Variants in PSD4 observed in about 807,000 individuals in gnomAD.
PSD4 encodes PH and SEC7 domain-containing protein 4.
A neutral mutation model predicts 112.5 loss-of-function variants in PSD4; 59 were observed. The ratio of observed to expected loss-of-function variants is 0.52; its 90% CI spans 0.43 to 0.65. The LOEUF (loss-of-function observed/expected upper bound fraction) is 0.65. Ranked by LOEUF, PSD4 falls within the 30% of genes least tolerant of loss-of-function variation. PSD4 has a pLI of 0.00. For missense variants in PSD4, 1,267 were observed against 1,352.6 expected, an observed-to-expected ratio of 0.94 and a Z score of 0.99; for synonymous variants, 533 against 540.0, an observed-to-expected ratio of 0.99 and a Z score of 0.18.
chr2:113,201,472 C>G lies in PSD4; in HGVS notation c.*57C>G. On this transcript the variant is annotated 3_prime_UTR_variant, in exon 17 of 17. Coordinates refer to ENST00000245796, the MANE Select transcript of PSD4 (RefSeq NM_012455.3). ...GCTCCAGGGTAGACCTGAGATGAACCTCCCTGGAGGAGACTTATTTCAATG... is the reference window on the plus strand; with the variant it reads ...GCTCCAGGGTAGACCTGAGATGAACGTCCCTGGAGGAGACTTATTTCAATG... 6.3e-7 allele frequency: 1 copy of G among 1,592,158 alleles called. No individual in the cohort carries two copies. The highest frequency in any genetic ancestry group is 8.6e-7 in the Non-Finnish European group (1 of 1,169,302).
At chr2:113,199,014 C>CGCGCCCGGGCCCGGAAAGCGGCGGAGGGG (rs1688697968) in intron 15 of PSD4, 69 bp from the exon 16 acceptor site, 1 of 1,508,344 alleles carries the variant, frequency 6.6e-7, no homozygotes, top group Admixed American at 2.1e-5. Flanking sequence ...AGGGGGGCGG[C>CGCGCCCGGGCCCGGAAAGCGGCGGAGGGG]GCGCCCGGGC....
chr2:113,189,308 A>C (rs1317321751), intron 5 of PSD4, among the ~76,000 whole-genome samples: 3 of 150,464 alleles, frequency 2.0e-5, no homozygotes, highest in Non-Finnish European at 4.4e-5. Context: ...ATGCATATTC[A>C]ATCATATATG....
At chr2:113,182,324 C>T (rs1688159040) in intron 1 of PSD4, 22 bp from the exon 2 acceptor site, 1 of 860,548 alleles carries the variant, frequency 1.2e-6, no homozygotes, top group African/African-American at 1.7e-5. Context: ...CCCTAACCTG[C>T]ACTTGCTTTG....
rs1475812549 is a variant in PSD4, at chr2:113,203,281, T to C, written c.*1866T>C. On this transcript the variant is annotated 3_prime_UTR_variant, in exon 17 of 17. Transcript: ENST00000245796. Reference sequence around the variant, plus strand: ...TGCTCTCAGTTTACAGAGGCACTTTTATCTTGCTGGGGAAGTGTGCTGAAA... The same window carrying C: ...TGCTCTCAGTTTACAGAGGCACTTTCATCTTGCTGGGGAAGTGTGCTGAAA... 6.6e-6 allele frequency: 1 copy of C among 152,230 alleles called. No homozygotes were observed. Among genetic ancestry groups the C allele is most frequent in the African/African-American group, 2.4e-5 (1 of 41,462 alleles). 9.4% of individuals were successfully genotyped at this position (152,230 alleles called of 1,614,324 possible). A position where few individuals can be genotyped will look rare whatever the true frequency, so the allele number is the denominator to read the frequency against.
At chr2:113,179,228 G>A (rs1381764412) in intron 1 of PSD4, among the ~76,000 whole-genome samples, 1 of 152,170 alleles carries the variant, frequency 6.6e-6, no homozygotes, top group Non-Finnish European at 1.5e-5. Flanking sequence ...ACCGTCTCAG[G>A]CCTCTTGCCC....
intron 1 of PSD4, among the ~76,000 whole-genome samples, chr2:113,175,670 G>T (rs17624213): frequency 0.19 from 28,996 of 152,156 alleles, 3,539 homozygotes; most frequent in Middle Eastern, 0.3. Flanking sequence ...GGGAGCGTTT[G>T]CTTGCTGAGT....
chr2:113,178,358 G>A (rs1688032920), intron 1 of PSD4, among the ~76,000 whole-genome samples: 2 of 151,944 alleles, frequency 1.3e-5, no homozygotes, highest in Admixed American at 1.3e-4. Context: ...GGCTCCTCAG[G>A]TGCTGCAGGC....
intron 1 of PSD4, among the ~76,000 whole-genome samples, chr2:113,176,885 C>A (rs529925369): frequency 6.6e-6 from 1 of 152,160 alleles, no homozygotes; most frequent in Non-Finnish European, 1.5e-5. Context: ...GAGATCAGAC[C>A]GCCCTCACCT....
Position 113,201,577 on chromosome 2 carries a change from T to C in PSD4, c.*162T>C, listed in dbSNP as rs1688780453. The C allele has an allele frequency of 9.8e-7, 1 of 1,021,510 alleles. No individual in the cohort carries two copies. Among genetic ancestry groups the C allele is most frequent in the Non-Finnish European group, 1.4e-6 (1 of 714,294 alleles). The allele number at this position is 1,021,510 out of a possible 1,614,324, so 63.3% of individuals were successfully genotyped here. On this transcript the variant is annotated 3_prime_UTR_variant, in exon 17 of 17. Coordinates refer to ENST00000245796, the MANE Select transcript of PSD4 (RefSeq NM_012455.3). ...TTCCCTGTGGCCCTCATTCTTGTGC[T>C]CCCTGAAGCTTTCCTAATATTGCTG...
Position 113,193,731 on chromosome 2 carries a change from CG to C in PSD4, c.2091+84del, listed in dbSNP as rs989399353. 3.8e-6 allele frequency: 6 copies of C among 1,562,460 alleles called. No individual in the cohort carries two copies. The East Asian group carries it at 1.3e-4, about 35-fold the overall frequency. ...GAGGAGAAGACCAGAGGCCTGAGACCGGGCAGGGAACACCCCTGAGGGATGT... is the reference window on the plus strand; with the variant it reads ...GAGGAGAAGACCAGAGGCCTGAGACCGGCAGGGAACACCCCTGAGGGATGT... On this transcript the variant is annotated intron_variant, in intron 9 of 16. Transcript: ENST00000245796.
intron 5 of PSD4, 62 bp downstream of exon 5, chr2:113,186,317 G>C (rs1377074291): frequency 6.8e-7 from 1 of 1,481,204 alleles, no homozygotes; most frequent in Non-Finnish European, 9.0e-7. Flanking sequence ...GAATATTCTA[G>C]TCTGGATGGA....
Position 113,193,127 on chromosome 2 carries a change from C to G in PSD4, c.1918C>G (p.Arg640Gly). Reference protein sequence around the residue: ...FGGQSLDRALRSFLQALVLSG... With the variant: ...FGGQSLDRALGSFLQALVLSG... Reference sequence around the variant, plus strand: ...AGGCCAGAGTCTGGACCGAGCCCTCCGGTAATGTCTTTGGGCCCTCTCTGG... The same window carrying G: ...AGGCCAGAGTCTGGACCGAGCCCTCGGGTAATGTCTTTGGGCCCTCTCTGG... Residue 640 changes from arginine (R) to glycine (G), a missense_variant and splice_region_variant, in exon 7 of 17, where the codon CGG becomes GGG. Around this residue, in one of 2 missense-constraint regions of PSD4, gnomAD observed 544 missense variants for 648.6 expected, o/e 0.84. Transcript: ENST00000245796. 1 of 1,613,620 alleles carries G rather than the reference C, an allele frequency of 6.2e-7. No homozygotes were observed. Among genetic ancestry groups the G allele is most frequent in the Non-Finnish European group, 8.5e-7 (1 of 1,179,540 alleles).
intron 16 of PSD4, among the ~76,000 whole-genome samples, chr2:113,199,738 TTAAAC>T (rs1467827256): frequency 6.6e-6 from 1 of 152,244 alleles, no homozygotes; most frequent in Non-Finnish European, 1.5e-5. Context: ...CACAGAGAAA[TTAAAC>T]TACTCTTCCA....
chr2:113,182,823 A>C lies in PSD4; in HGVS notation c.367A>C (p.Arg123=). 1 of 1,612,060 alleles carries C rather than the reference A, an allele frequency of 6.2e-7. No homozygotes were observed. The highest frequency in any genetic ancestry group is 1.1e-5 in the South Asian group (1 of 90,892). Residue 123 remains arginine, a synonymous_variant, in exon 2 of 17, where the codon AGG becomes CGG. Transcript: ENST00000245796. ...LTHLGSPSAQ[R]EHRQNTASPG... is the part of the protein sequence containing the mutation. The stretch of plus-strand genomic sequence containing the variant: ...ACACCTGGGGAGCCCCTCTGCCCAG[A>C]GGGAGCACAGGCAGAACACAGCATC...
At chr2:113,192,643 C>T in intron 6 of PSD4, 54 bp downstream of exon 6, 1 of 1,573,054 alleles carries the variant, frequency 6.4e-7, no homozygotes, top group South Asian at 1.1e-5. Flanking sequence ...CAGGGAGGAG[C>T]TGCTGAAGGG....
At chr2:113,192,351 A>G in intron 5 of PSD4, 29 bp from the exon 6 acceptor site, 1 of 1,604,812 alleles carries the variant, frequency 6.2e-7, no homozygotes, top group Non-Finnish European at 8.5e-7. Context: ...AGAACACTTG[A>G]CCCAGAGCTC....
rs1334834830 is a variant in PSD4, at chr2:113,193,853, C to T, written c.2092-6C>T. The T allele has an allele frequency of 1.2e-6, 2 of 1,613,742 alleles. No individual in the cohort carries two copies. The highest frequency in any genetic ancestry group is 2.2e-5 in the East Asian group (1 of 44,864). On this transcript the variant is annotated splice_polypyrimidine_tract_variant and splice_region_variant and intron_variant, in intron 9 of 16. Transcript: ENST00000245796. ...CTCGAGTCATCCCACTTCTCCGTGG[C>T]TACAGAACATTGGGAAGAGCATGAG...
intron 10 of PSD4, among the ~76,000 whole-genome samples, chr2:113,194,426 G>A (rs1394371806): frequency 6.6e-6 from 1 of 152,236 alleles, no homozygotes; most frequent in Non-Finnish European, 1.5e-5. Flanking sequence ...AATCTTCCAA[G>A]TGCTCAGCAC....
rs34048507 is a variant in PSD4 at position 113,201,276 on chromosome 2, A to C, written c.3032A>C (p.Lys1011Thr). 2 of 1,614,182 alleles carry C rather than the reference A, an allele frequency of 1.2e-6. No individual in the cohort carries two copies. Among genetic ancestry groups the C allele is most frequent in the Non-Finnish European group, 1.7e-6 (2 of 1,180,028 alleles). ...GAAGCTGGAGGCACTCGGGAGCCCA[A>C]GCTCAGCCTGAAGAAGTCCCACTCG... is the stretch of plus-strand genomic sequence containing the variant. ...GREAGGTREP[K>T]LSLKKSHSSP... The change falls in exon 17 of 17, where the codon AAG becomes ACG. Residue 1011 changes from lysine (K) to threonine (T), a missense_variant. Lys to Thr is a moderately conservative substitution (Grantham distance 78). Transcript: ENST00000245796.
Sources: allele counts gnomAD v4.1 joint callset (sites outside exome capture counted in the v4.1 genomes callset), GRCh38; gene constraint gnomAD v4.1.1; regional missense constraint gnomAD v4.1.1; transcripts MANE v1.5; gene names NCBI Gene and HGNC (gene_info 2026-07-23, HGNC 2026-07-21).